NUDC: variants seen among roughly 807,000 people sequenced by gnomAD.
The protein encoded by NUDC is nuclear migration protein nudC.
A neutral mutation model predicts 45.0 loss-of-function variants in NUDC; 14 were observed. That is an observed-to-expected ratio of 0.31 (90% CI 0.21 to 0.49). The LOEUF is 0.49. Among genes scored for constraint, NUDC ranks in the 20% least tolerant of loss-of-function variants. The pLI, the probability that NUDC is intolerant of heterozygous loss-of-function variation, is 0.99. For missense variants in NUDC, 323 were observed against 426.2 expected, an observed-to-expected ratio of 0.76 and a Z score of 2.13; for synonymous variants, 153 against 156.7, an observed-to-expected ratio of 0.98 and a Z score of 0.17.
chr1:26,909,800 C>T (rs2082017851), intron 2 of NUDC, among the ~76,000 whole-genome samples: 1 of 151,512 alleles, frequency 6.6e-6, no homozygotes, highest in Non-Finnish European at 1.5e-5. Flanking sequence ...GGCCTGAGGT[C>T]TGAGTTTGGG....
At chr1:26,906,245 C>T (rs2082002314) in intron 2 of NUDC, among the ~76,000 whole-genome samples, 1 of 151,886 alleles carries the variant, frequency 6.6e-6, no homozygotes, top group African/African-American at 2.4e-5. Context: ...CGCCACTGAA[C>T]TCCACCCTGG....
At chr1:26,919,129 G>A (rs1322393430), upstream of NUDC, among the ~76,000 whole-genome samples, 1 of 150,230 alleles carries the variant, frequency 6.7e-6, no homozygotes. Flanking sequence ...TGTCACCCAC[G>A]CTGAAGTGCA....
intron 2 of NUDC, among the ~76,000 whole-genome samples, chr1:26,939,166 G>A (rs2082257989): frequency 6.6e-6 from 1 of 151,948 alleles, no homozygotes; most frequent in African/African-American, 2.4e-5. Context: ...GCTCATTTTT[G>A]GATTTTTAGT....
At chr1:26,920,145 A>G (rs770552041), upstream of NUDC, among the ~76,000 whole-genome samples, 5 of 152,222 alleles carry the variant, frequency 3.3e-5, no homozygotes, top group Admixed American at 6.5e-5. Context: ...ATAGTGGTTC[A>G]TTGGCTTTGG....
intron 2 of NUDC, 68 bp from the exon 3 acceptor site, chr1:26,941,389 G>A (rs940498999): frequency 1.9e-5 from 29 of 1,538,368 alleles, no homozygotes; most frequent in Non-Finnish European, 2.5e-5. Flanking sequence ...TAGAGAGTGG[G>A]GCTGGACTCC....
intron 2 of NUDC, among the ~76,000 whole-genome samples, chr1:26,902,566 T>C (rs941048837): frequency 5.3e-5 from 8 of 152,144 alleles, no homozygotes; most frequent in Admixed American, 5.2e-4. Context: ...AGTTCCTTTC[T>C]TCCCTTGCAA....
At chr1:26,939,208 G>A (rs1242908307) in intron 2 of NUDC, among the ~76,000 whole-genome samples, 1 of 151,984 alleles carries the variant, frequency 6.6e-6, no homozygotes, top group African/African-American at 2.4e-5. Context: ...TGGCCAGGGT[G>A]GTCAAGAACT....
At chr1:26,936,001 C>T (rs1314273893) in intron 2 of NUDC, among the ~76,000 whole-genome samples, 1 of 146,914 alleles carries the variant, frequency 6.8e-6, no homozygotes, top group Non-Finnish European at 1.5e-5. Flanking sequence ...GACTTGGAGT[C>T]TCTGGTGCTG....
At chr1:26,942,599 G>C in intron 4 of NUDC, 61 bp from the exon 5 acceptor site, 1 of 1,602,914 alleles carries the variant, frequency 6.2e-7, no homozygotes, top group Non-Finnish European at 8.5e-7. Context: ...TTGGCCCAGT[G>C]AGGGTTCAAT....
chr1:26,936,165 ATTTTTTTTTTTTTTTTTTTTTTT>A (rs869056480), intron 2 of NUDC, among the ~76,000 whole-genome samples: 1 of 10,502 alleles, frequency 9.5e-5, no homozygotes, highest in Non-Finnish European at 1.5e-4. Context: ...ATATATATAT[ATTTTTTTTTTTTTTTTTTTTTTT>A]TTTTTTTTTT....
intron 2 of NUDC, among the ~76,000 whole-genome samples, chr1:26,909,490 G>A (rs967036556): frequency 1.3e-5 from 2 of 152,198 alleles, no homozygotes; most frequent in African/African-American, 4.8e-5. Flanking sequence ...AAAAAGCCTA[G>A]GGTGGGGCAT....
intron 3 of NUDC, among the ~76,000 whole-genome samples, chr1:26,915,002 T>C (rs900107791): frequency 2.2e-4 from 33 of 147,630 alleles, no homozygotes; most frequent in African/African-American, 7.7e-4. Flanking sequence ...TGTATATGTA[T>C]ATGTATATGT....
chr1:26,945,481 C>T lies in NUDC; in HGVS notation c.825+8C>T. On this transcript the variant is annotated splice_region_variant and intron_variant, in intron 7 of 8. Coordinates refer to ENST00000321265, the MANE Select transcript of NUDC (RefSeq NM_006600.4). ...AACCCTGAGAATTCCAAGGTGAGCCCTGGCTGGTTGGGGGAGCTTCAGCAG... is the reference window on the plus strand; with the variant it reads ...AACCCTGAGAATTCCAAGGTGAGCCTTGGCTGGTTGGGGGAGCTTCAGCAG... 1.2e-6 allele frequency: 2 copies of T among 1,613,982 alleles called. No individual in the cohort carries two copies. The highest frequency in any genetic ancestry group is 1.3e-5 in the African/African-American group (1 of 75,052).
In NUDC at chr1:26,945,054, A is replaced by G. The variant is rs1163488080; in HGVS notation, c.742-336A>G. The G allele has an allele frequency of 1.5e-5, 5 of 343,294 alleles. No individual in the cohort carries two copies. In the Admixed American group the frequency reaches 1.6e-4, roughly 11 times the overall value. 21.3% of individuals were successfully genotyped at this position (343,294 alleles called of 1,614,324 possible). ...CAAGACTCCATCTCAAAAAATATAT[A>G]TATTTATTTTCTTCCCATTTTAAAT... is the stretch of plus-strand genomic sequence containing the variant. On this transcript the variant is annotated intron_variant, in intron 6 of 8. Transcript: ENST00000321265.
At chr1:26,923,948 A>AGAT in intron 1 of NUDC, 141 bp from the exon 2 acceptor site, 1 of 739,370 alleles carries the variant, frequency 1.4e-6, no homozygotes, top group South Asian at 1.4e-5. Flanking sequence ...CCTGCTGGGG[A>AGAT]GATAATCTCC....
At position 26,945,670 on chromosome 1, in the gene NUDC, C is replaced by A. The variant is rs374852689; in HGVS notation, c.928C>A (p.Gln310Lys). ...GCCAACTTCAGACGAACAGAAGAAA[C>A]AGGAGATTCTGAAGAAGTGAGCAAT... is the stretch of plus-strand genomic sequence containing the variant. ...GLPTSDEQKK[Q>K]EILKKFMDQH... is the part of the protein sequence containing the mutation. Residue 310 changes from glutamine to lysine, a missense_variant, in exon 8 of 9, where the codon CAG (glutamine) becomes AAG (lysine). By Grantham distance (53) the Gln-to-Lys change is moderately conservative (BLOSUM62 1). Transcript: ENST00000321265. 3 of 1,613,678 alleles carry A rather than the reference C, an allele frequency of 1.9e-6. No homozygotes were observed. The highest frequency in any genetic ancestry group is 2.5e-6 in the Non-Finnish European group (3 of 1,179,648).
chr1:26,911,744 G>T (rs41303639), intron 3 of NUDC: 2 of 1,409,250 alleles, frequency 1.4e-6, no homozygotes, highest in African/African-American at 1.4e-5. Context: ...GTCTATACAG[G>T]CTTGCCCCCT....
At chr1:26,911,703 G>A (rs1243837362) in intron 3 of NUDC, 2 of 943,480 alleles carry the variant, frequency 2.1e-6, no homozygotes, top group African/African-American at 3.2e-5. Flanking sequence ...GTGTGGCTGA[G>A]TGAAGAGCTG....
chr1:26,905,882 C>T (rs2082000800), intron 2 of NUDC, among the ~76,000 whole-genome samples: 1 of 152,238 alleles, frequency 6.6e-6, no homozygotes, highest in African/African-American at 2.4e-5. Flanking sequence ...CATAGTGGCT[C>T]ATGCCTATAA....
Sources: allele counts gnomAD v4.1 joint callset (sites outside exome capture counted in the v4.1 genomes callset), GRCh38; gene constraint gnomAD v4.1.1; transcripts MANE v1.5; gene names NCBI Gene and HGNC (gene_info 2026-07-23, HGNC 2026-07-21).